The following BCAT2 variants were observed in gnomAD, a reference collection of about 807,000 sequenced individuals.
The protein encoded by BCAT2 is branched-chain-amino-acid aminotransferase, mitochondrial.
Under a neutral mutation model 52.9 loss-of-function variants are expected in BCAT2, and 44 were observed. The ratio of observed to expected loss-of-function variants is 0.83; its 90% CI spans 0.65 to 1.07. BCAT2 has a LOEUF of 1.07. BCAT2 is among the 50% of genes least tolerant of loss of function. The probability of loss-of-function intolerance (pLI) is 0.00; values close to 1 mark genes in which losing one functional copy is unlikely to be tolerated. For synonymous variants in BCAT2, 215 were observed against 217.1 expected, an observed-to-expected ratio of 0.99 and a Z score of 0.08; for missense variants, 478 against 521.8, an observed-to-expected ratio of 0.92 and a Z score of 0.82.
chr19:48,806,127 C>T (rs565110568), intron 3 of BCAT2, among the ~76,000 whole-genome samples: 1 of 119,974 alleles, frequency 8.3e-6, no homozygotes, highest in Non-Finnish European at 1.7e-5. Flanking sequence ...GCCAGCCCCC[C>T]GGCTGTCCCC....
In BCAT2 at chr19:48,795,225, A is replaced by ACGAGGGGCTGGGGGC; in HGVS notation, c.*186_*200dup. ...AGTAATGGGCGGACCTGAACCCGCG[A>ACGAGGGGCTGGGGGC]CGAGGGGCTGGGGGCCAAGATGCCT... On this transcript the variant is annotated 3_prime_UTR_variant, in exon 11 of 11. Coordinates refer to ENST00000316273, the MANE Select transcript of BCAT2 (RefSeq NM_001190.4). The ACGAGGGGCTGGGGGC allele has an allele frequency of 1.5e-6, 1 of 648,918 alleles. No homozygotes were observed. Among genetic ancestry groups the ACGAGGGGCTGGGGGC allele is most frequent in the African/African-American group, 1.8e-5 (1 of 55,382 alleles). The allele number at this position is 648,918 out of a possible 1,614,324, so 40.2% of individuals were successfully genotyped here. A position where few individuals can be genotyped will look rare whatever the true frequency, so the allele number is the denominator to read the frequency against.
At position 48,799,427 on chromosome 19, in the gene BCAT2, C is replaced by G; in HGVS notation, c.695+248G>C. 1 of 495,744 alleles carries G rather than the reference C, an allele frequency of 2.0e-6. No individual in the cohort carries two copies. Among genetic ancestry groups the G allele is most frequent in the Non-Finnish European group, 3.4e-6 (1 of 292,602 alleles). 30.7% of individuals were successfully genotyped at this position (495,744 alleles called of 1,614,324 possible). ...CTTCCAGGGACCAGTCCTGGTTTCC[C>G]CACTGACCTCCACCCAATGCCTTCC... On this transcript the variant is annotated intron_variant, in intron 6 of 10. Coordinates refer to ENST00000316273, the MANE Select transcript of BCAT2 (RefSeq NM_001190.4). This position sits in a 1 kb window ranked among gnomAD's most constrained non-coding sequence, Gnocchi z 5.5.
rs948952792 is a variant in BCAT2 at position 48,796,945 on chromosome 19, G to A, written c.916C>T (p.Gln306Ter). 1.2e-6 allele frequency: 2 copies of A among 1,614,036 alleles called. No individual in the cohort carries two copies. Among genetic ancestry groups the A allele is most frequent in the Non-Finnish European group, 1.7e-6 (2 of 1,180,008 alleles). The change falls in exon 8 of 11, where the codon CAG becomes TAG. Residue 306 changes from glutamine (Q) to a stop codon, truncating the protein, a stop_gained. Coordinates refer to ENST00000316273, the MANE Select transcript of BCAT2 (RefSeq NM_001190.4). LOFTEE classifies it high-confidence loss of function. ...VVRQSLLDMA[Q>*]TWGEFRVVER... Reference sequence around the variant, plus strand: ...AGATGCCATGTCCTCACCCAGGTCTGAGCCATGTCCAGTAGACTCTGTCTG... The same window carrying A: ...AGATGCCATGTCCTCACCCAGGTCTAAGCCATGTCCAGTAGACTCTGTCTG...
At chr19:48,800,166 C>T (rs758750869) in intron 4 of BCAT2, 21 bp downstream of exon 4, 6 of 1,612,744 alleles carry the variant, frequency 3.7e-6, no homozygotes, top group South Asian at 1.1e-5. Flanking sequence ...CTCCCCACCC[C>T]GGTGGACCGG....
At chr19:48,796,539 C>T in intron 9 of BCAT2, 37 bp from the exon 10 acceptor site, 1 of 1,610,356 alleles carries the variant, frequency 6.2e-7, no homozygotes. Context: ...AAGCCCCTCC[C>T]CTCCTTCCCT....
At chr19:48,803,949 G>C (rs113150808) in intron 3 of BCAT2, among the ~76,000 whole-genome samples, 128 of 152,092 alleles carry the variant, frequency 8.4e-4, no homozygotes, top group African/African-American at 3.0e-3. Flanking sequence ...ATCTGAGGTC[G>C]GGAGTTTGAG....
intron 1 of BCAT2, among the ~76,000 whole-genome samples, chr19:48,810,575 C>T (rs1189751725): frequency 6.6e-6 from 1 of 152,012 alleles, no homozygotes; most frequent in Non-Finnish European, 1.5e-5. Flanking sequence ...GACTTGAGGT[C>T]CAACTCTGCC....
chr19:48,800,917 C>A (rs2034644011), intron 3 of BCAT2, among the ~76,000 whole-genome samples: 1 of 152,162 alleles, frequency 6.6e-6, no homozygotes, highest in South Asian at 2.1e-4. Flanking sequence ...ACACGTTTAC[C>A]AGACAGCCTC....
At position 48,796,575 on chromosome 19, in the gene BCAT2, C is replaced by T; in HGVS notation, c.1065+3G>A. 3 of 1,612,730 alleles carry T rather than the reference C, an allele frequency of 1.9e-6. No individual in the cohort carries two copies. Among genetic ancestry groups the T allele is most frequent in the Non-Finnish European group, 2.5e-6 (3 of 1,179,682 alleles). On this transcript the variant is annotated splice_donor_region_variant and intron_variant, in intron 9 of 10. Transcript: ENST00000316273. ...CCCACCCACAATGGCAGCCCCGCCTCACCCTGTCTTTGTACAGGATTCGGT... is the reference window on the plus strand; with the variant it reads ...CCCACCCACAATGGCAGCCCCGCCTTACCCTGTCTTTGTACAGGATTCGGT...
rs780344243 is a variant in BCAT2 at position 48,800,251 on chromosome 19, C to T, written c.347G>A (p.Arg116His). 9.3e-6 allele frequency: 15 copies of T among 1,613,792 alleles called. No homozygotes were observed. The highest frequency in any genetic ancestry group is 2.2e-5 in the East Asian group (1 of 44,884). The change falls in exon 4 of 11, where the codon CGC (arginine) becomes CAC (histidine). Residue 116 changes from arginine (R) to histidine (H), a missense_variant. Arg to His is a conservative substitution (Grantham distance 29). Transcript: ENST00000316273. ...CATGTTGAGCCAGGGGCGGAAGAGGCGCACCTGCTGGTCTTTGCCTTTGAA... is the reference window on the plus strand; with the variant it reads ...CATGTTGAGCCAGGGGCGGAAGAGGTGCACCTGCTGGTCTTTGCCTTTGAA... ...KAFKGKDQQVRLFRPWLNMDR... is the reference protein window; with the variant it reads ...KAFKGKDQQVHLFRPWLNMDR...
At position 48,807,001 on chromosome 19, in the gene BCAT2, T is replaced by C; in HGVS notation, c.98A>G (p.Lys33Arg). Residue 33 changes from lysine to arginine, a missense_variant and splice_region_variant, in exon 2 of 11, where the codon AAG (lysine) becomes AGG (arginine). Transcript: ENST00000316273. The surrounding 1 kb of genome is among the most constrained non-coding windows in gnomAD (Gnocchi z 4.6). ...AAGCATCGAGTTCCCTCCTTTCACC[T>C]TGAAACTGGAGGAGGCATATCTTCT... is the stretch of plus-strand genomic sequence containing the variant. ...GPRRYASSSF[K>R]AADLQLEMTQ... 6.2e-7 allele frequency: 1 copy of C among 1,613,302 alleles called. No individual in the cohort carries two copies. Among genetic ancestry groups the C allele is most frequent in the East Asian group, 2.2e-5 (1 of 44,808 alleles).
chr19:48,799,971 T>C lies in BCAT2; in HGVS notation c.531+10A>G, dbSNP rs1199967154. 2 of 1,611,818 alleles carry C rather than the reference T, an allele frequency of 1.2e-6. No individual in the cohort carries two copies. Among genetic ancestry groups the C allele is most frequent in the Non-Finnish European group, 1.7e-6 (2 of 1,178,668 alleles). On this transcript the variant is annotated intron_variant, in intron 5 of 10. Transcript: ENST00000316273. This position sits in a 1 kb window ranked among gnomAD's most constrained non-coding sequence, Gnocchi z 5.5. ...GCAGCCCAGCTTCCCAGCCCTGGAGTTGGGCCCACCTCGTTCCCAATGAGC... is the reference window on the plus strand; with the variant it reads ...GCAGCCCAGCTTCCCAGCCCTGGAGCTGGGCCCACCTCGTTCCCAATGAGC...
chr19:48,801,594 G>T (rs546565898), intron 3 of BCAT2, among the ~76,000 whole-genome samples: 1 of 151,922 alleles, frequency 6.6e-6, no homozygotes, highest in Admixed American at 6.6e-5. Flanking sequence ...CACCATAAAA[G>T]CTATAGAAGG....
chr19:48,810,457 G>A (rs529494353), intron 1 of BCAT2, among the ~76,000 whole-genome samples: 16 of 152,148 alleles, frequency 1.1e-4, no homozygotes, highest in Non-Finnish European at 1.5e-4. Context: ...TCCAATCCAG[G>A]TGCAAAGCTT....
At position 48,810,978 on chromosome 19, in the gene BCAT2, A is replaced by G. The variant is rs1263410284; in HGVS notation, c.24+6T>C. On this transcript the variant is annotated splice_donor_region_variant and intron_variant, in intron 1 of 10. Coordinates refer to ENST00000316273, the MANE Select transcript of BCAT2 (RefSeq NM_001190.4). ...CCCAGACCCCGGCGCGGGGCTGCGA[A>G]CCCACCTGCCCCAGAGCGGCTGCGG... 1 of 1,606,436 alleles carries G rather than the reference A, an allele frequency of 6.2e-7. No homozygotes were observed. The highest frequency in any genetic ancestry group is 8.5e-7 in the Non-Finnish European group (1 of 1,177,568).
chr19:48,807,056 G>T lies in BCAT2; in HGVS notation c.43C>A (p.Leu15Ile). The change falls in exon 2 of 11, where the codon CTC becomes ATC. Residue 15 changes from leucine to isoleucine, a missense_variant. By Grantham distance (5) the Leu-to-Ile change is conservative. Transcript: ENST00000316273. The surrounding 1 kb of genome is among the most constrained non-coding windows in gnomAD (Gnocchi z 4.6). ...CCACACAGAAGCCAAGGGACAGAGAGAAGCTTTCGTGCCCAGATCTGGGTG... is the reference window on the plus strand; with the variant it reads ...CCACACAGAAGCCAAGGGACAGAGATAAGCTTTCGTGCCCAGATCTGGGTG... ...ALGQIWARKL[L>I]SVPWLLCGPR... 6.2e-7 allele frequency: 1 copy of T among 1,614,036 alleles called. No individual in the cohort carries two copies. Among genetic ancestry groups the T allele is most frequent in the East Asian group, 2.2e-5 (1 of 44,872 alleles).
chr19:48,795,653 C>T (rs1002872566), intron 10 of BCAT2, among the ~76,000 whole-genome samples, 189 bp from the exon 11 acceptor site: 37 of 152,092 alleles, frequency 2.4e-4, no homozygotes, highest in African/African-American at 7.0e-4. Context: ...CAGAGGCTTC[C>T]GGGAGATGTA....
At chr19:48,801,917 G>C (rs571387289) in intron 3 of BCAT2, among the ~76,000 whole-genome samples, 1 of 151,012 alleles carries the variant, frequency 6.6e-6, no homozygotes, top group African/African-American at 2.4e-5. Flanking sequence ...GATTACAGGC[G>C]TGAGCCACCA....
intron 1 of BCAT2, 127 bp downstream of exon 1, chr19:48,810,857 G>A (rs2034906480): frequency 6.6e-7 from 1 of 1,509,670 alleles, no homozygotes; most frequent in Non-Finnish European, 8.8e-7. Flanking sequence ...CCTCCTCCGC[G>A]CCCTGCAGCG....
Sources: gnomAD v4.1 joint callset for allele counts (sites outside exome capture counted in the v4.1 genomes callset) on GRCh38, gnomAD v4.1.1 for gene constraint, Gnocchi (gnomAD v3.1) non-coding constraint, MANE v1.5 for transcripts, NCBI Gene and HGNC (gene_info 2026-07-23, HGNC 2026-07-21) for gene names.